GLCCI1: variants seen among roughly 807,000 people sequenced by gnomAD.
GLCCI1 encodes the protein glucocorticoid induced 1, also known as glucocorticoid-induced transcript 1 protein.
A neutral mutation model predicts 52.2 loss-of-function variants in GLCCI1; 24 were observed. The observed-to-expected ratio is 0.46, with a 90% confidence interval of 0.33 to 0.65. GLCCI1 has a LOEUF of 0.65. GLCCI1 is among the 30% of genes least tolerant of loss of function. The pLI, the probability that GLCCI1 is intolerant of heterozygous loss-of-function variation, is 0.02. For missense variants in GLCCI1, 704 were observed against 701.5 expected (o/e 1.00, Z -0.04); for synonymous variants, 310 against 276.5 (o/e 1.12, Z -1.20).
chr7:8,080,841 G>GTTTT (rs199681673), intron 6 of GLCCI1, among the ~76,000 whole-genome samples: 3 of 128,254 alleles, frequency 2.3e-5, no homozygotes, highest in African/African-American at 2.7e-5. Flanking sequence ...TGGTTTTGGG[G>GTTTT]TTTTTTTTTT....
intron 1 of GLCCI1, among the ~76,000 whole-genome samples, chr7:7,999,327 G>T (rs38003): frequency 0.42 from 64,240 of 152,024 alleles, 13,860 homozygotes; most frequent in Middle Eastern, 0.52. Context: ...ATTAAAATGG[G>T]CTGAGTATTG....
chr7:7,996,618 G>T (rs925546164), intron 1 of GLCCI1, among the ~76,000 whole-genome samples: 2 of 152,116 alleles, frequency 1.3e-5, no homozygotes, highest in Non-Finnish European at 2.9e-5. Flanking sequence ...TAAGTTTATT[G>T]GGTGAGCTGT....
intron 1 of GLCCI1, among the ~76,000 whole-genome samples, chr7:7,979,426 G>GTTAGCTTTAGATTTTATATATGAATTA: frequency 6.6e-6 from 1 of 151,772 alleles, no homozygotes; most frequent in African/African-American, 2.4e-5. Context: ...TATATGAATT[G>GTTAGCTTTAGATTTTATATATGAATTA]TTTATTTCTA....
intron 2 of GLCCI1, among the ~76,000 whole-genome samples, chr7:8,008,510 G>C (rs1781200923): frequency 6.6e-6 from 1 of 151,994 alleles, no homozygotes; most frequent in African/African-American, 2.4e-5. Flanking sequence ...AGAGAGGCTG[G>C]TCTTGAACTC....
intron 2 of GLCCI1, among the ~76,000 whole-genome samples, chr7:8,008,656 C>G (rs1308877284): frequency 2.6e-5 from 4 of 152,026 alleles, no homozygotes; most frequent in Non-Finnish European, 5.9e-5. Context: ...CGGAACTTAC[C>G]CAAGTGTACA....
At chr7:8,082,182 T>C (rs1488221580) in intron 6 of GLCCI1, among the ~76,000 whole-genome samples, 1 of 152,194 alleles carries the variant, frequency 6.6e-6, no homozygotes, top group Non-Finnish European at 1.5e-5. Context: ...TTTAAATGAA[T>C]AGTAATAGTT....
chr7:8,083,180 T>G (rs143439283), intron 6 of GLCCI1, among the ~76,000 whole-genome samples: 1 of 152,290 alleles, frequency 6.6e-6, no homozygotes, highest in Non-Finnish European at 1.5e-5. Context: ...GTACATGAGA[T>G]GTTTTGATAC....
intron 1 of GLCCI1, among the ~76,000 whole-genome samples, chr7:7,991,219 C>T (rs530811486): frequency 6.6e-6 from 1 of 152,156 alleles, no homozygotes; most frequent in African/African-American, 2.4e-5. Flanking sequence ...GTAGTTATTA[C>T]ATAAGCAAAG....
At position 8,032,682 on chromosome 7, in the gene GLCCI1, A is replaced by G. The variant is rs193100463; in HGVS notation, c.696+10113A>G. On this transcript the variant is annotated intron_variant, in intron 3 of 7. Coordinates refer to ENST00000223145, the MANE Select transcript of GLCCI1 (RefSeq NM_138426.4). ...TCCTAAAAGACACAAATTAGTAGAA[A>G]GGTATAAAGTGCCAAAGCTGACTTA... Among the ~76,000 whole-genome samples, 123 of 152,192 alleles carry G rather than the reference A, an allele frequency of 8.1e-4. 2 individuals carry two copies. In the South Asian group the frequency reaches 0.014, roughly 18 times the overall value.
chr7:8,013,945 C>T (rs1412812061), intron 2 of GLCCI1, among the ~76,000 whole-genome samples: 2 of 150,912 alleles, frequency 1.3e-5, no homozygotes, highest in African/African-American at 4.9e-5. Context: ...TTTGTTGCCA[C>T]TCCGAGAACC....
At chr7:8,074,084 A>G (rs1782823423) in intron 6 of GLCCI1, among the ~76,000 whole-genome samples, 1 of 152,214 alleles carries the variant, frequency 6.6e-6, no homozygotes, top group African/African-American at 2.4e-5. Flanking sequence ...TTATACTTCT[A>G]GTTTATTTAA....
chr7:7,977,649 T>G (rs1484206404), intron 1 of GLCCI1, among the ~76,000 whole-genome samples: 2 of 152,176 alleles, frequency 1.3e-5, no homozygotes, highest in Non-Finnish European at 2.9e-5. Context: ...GGGGATAGAC[T>G]TTTTAAGATT....
At chr7:8,023,192 T>A (rs1781531025) in intron 3 of GLCCI1, among the ~76,000 whole-genome samples, 1 of 152,112 alleles carries the variant, frequency 6.6e-6, no homozygotes, top group Admixed American at 6.5e-5. Context: ...ATTTTTTGTA[T>A]TTTTAGTAGA....
intron 3 of GLCCI1, among the ~76,000 whole-genome samples, chr7:8,031,815 T>C (rs1781757851): frequency 6.6e-6 from 1 of 152,054 alleles, no homozygotes; most frequent in Non-Finnish European, 1.5e-5. Context: ...TCAGGCAATG[T>C]AGACTTTAAT....
chr7:8,075,435 ACAT>A (rs1266179574), intron 6 of GLCCI1, among the ~76,000 whole-genome samples: 2 of 152,224 alleles, frequency 1.3e-5, no homozygotes, highest in East Asian at 3.8e-4. Flanking sequence ...ACTCATCTTG[ACAT>A]CATCAGAATG....
intron 1 of GLCCI1, among the ~76,000 whole-genome samples, chr7:7,970,918 T>G (rs1232477304): frequency 8.8e-6 from 1 of 113,062 alleles, no homozygotes; most frequent in Non-Finnish European, 1.8e-5. Context: ...GTACATTGTT[T>G]ATGTGGTATG....
chr7:8,031,501 A>G (rs927755954), intron 3 of GLCCI1, among the ~76,000 whole-genome samples: 7 of 152,112 alleles, frequency 4.6e-5, no homozygotes, highest in Non-Finnish European at 8.8e-5. Flanking sequence ...CAGTGGGACT[A>G]TAGTCAGTAA....
At chr7:7,982,478 C>T (rs1453442274) in intron 1 of GLCCI1, among the ~76,000 whole-genome samples, 1 of 152,108 alleles carries the variant, frequency 6.6e-6, no homozygotes, top group Non-Finnish European at 1.5e-5. Context: ...AAGTCTTTCA[C>T]ATTTTTACTC....
intron 1 of GLCCI1, among the ~76,000 whole-genome samples, chr7:7,994,256 A>G (rs61341359): frequency 0.061 from 9,260 of 152,220 alleles, 790 homozygotes; most frequent in African/African-American, 0.18. Flanking sequence ...TCTGTCTCAA[A>G]TAAATAAATA....
Sources: allele counts gnomAD v4.1 joint callset (sites outside exome capture counted in the v4.1 genomes callset), GRCh38; gene constraint gnomAD v4.1.1; transcripts MANE v1.5; gene names NCBI Gene and HGNC (gene_info 2026-07-23, HGNC 2026-07-21).